FMN2: variants seen among roughly 807,000 people sequenced by gnomAD.
FMN2 encodes the protein formin-2.
In FMN2, 51 loss-of-function variants were observed where a neutral mutation model predicts 142.3. That is an observed-to-expected ratio of 0.36 (90% CI 0.29 to 0.45). The LOEUF (loss-of-function observed/expected upper bound fraction) is 0.45, where lower values mean the gene tolerates loss of function less well. Among genes scored for constraint, FMN2 ranks in the 20% least tolerant of loss-of-function variants. FMN2 has a pLI of 1.00. For missense variants in FMN2, 1,936 were observed against 2,122.8 expected (o/e 0.91, Z 1.73); for synonymous variants, 882 against 869.8 (o/e 1.01, Z -0.25).
intron 6 of FMN2, among the ~76,000 whole-genome samples, chr1:240,212,001 A>G (rs1666708098): frequency 6.6e-6 from 1 of 152,176 alleles, no homozygotes. Context: ...GAGAGTGGCT[A>G]CATTTCTTAA....
chr1:240,149,739 T>C (rs536631644), intron 2 of FMN2, among the ~76,000 whole-genome samples: 2 of 152,342 alleles, frequency 1.3e-5, no homozygotes, highest in African/African-American at 4.8e-5. Flanking sequence ...TTTCCAAATA[T>C]AAGGAGTTAC....
chr1:240,101,719 T>C (rs553252696), intron 1 of FMN2, among the ~76,000 whole-genome samples: 97 of 151,816 alleles, frequency 6.4e-4, no homozygotes, highest in African/African-American at 2.1e-3. Flanking sequence ...ATTTTTTTTT[T>C]TTTTTTTTGG....
At chr1:240,382,279 G>T (rs1377533471) in intron 14 of FMN2, among the ~76,000 whole-genome samples, 1 of 152,120 alleles carries the variant, frequency 6.6e-6, no homozygotes, top group Non-Finnish European at 1.5e-5. Context: ...GGAAGTAAAA[G>T]ATCTCTGCAA....
intron 14 of FMN2, among the ~76,000 whole-genome samples, chr1:240,376,066 G>A (rs1330430638): frequency 6.6e-6 from 1 of 151,992 alleles, no homozygotes. Context: ...TTATCATTAT[G>A]TATTGATTCT....
At chr1:240,320,644 T>C (rs561281857) in intron 8 of FMN2, among the ~76,000 whole-genome samples, 41 of 152,322 alleles carry the variant, frequency 2.7e-4, no homozygotes, top group Admixed American at 6.5e-4. Context: ...CAGTGAATTT[T>C]GTCACTCAAA....
chr1:240,444,207 A>G (rs994488634), intron 16 of FMN2, among the ~76,000 whole-genome samples: 4 of 152,190 alleles, frequency 2.6e-5, no homozygotes, highest in Admixed American at 6.5e-5. Context: ...TGAGACGTTC[A>G]AGTATGTTAA....
chr1:240,370,143 C>G (rs1050276590), intron 14 of FMN2, among the ~76,000 whole-genome samples: 10 of 152,162 alleles, frequency 6.6e-5, no homozygotes, highest in Non-Finnish European at 1.3e-4. Context: ...TGAGGAAGTT[C>G]TGGCTTGCAC....
intron 1 of FMN2, among the ~76,000 whole-genome samples, chr1:240,122,224 A>G (rs919561116): frequency 6.6e-6 from 1 of 151,526 alleles, no homozygotes; most frequent in African/African-American, 2.4e-5. Context: ...AGTAGCTGGG[A>G]TTATAGGCAC....
At chr1:240,453,203 GT>G (rs1454022792) in intron 16 of FMN2, among the ~76,000 whole-genome samples, 2 of 152,056 alleles carry the variant, frequency 1.3e-5, no homozygotes, top group Non-Finnish European at 2.9e-5. Flanking sequence ...ATATATTAAC[GT>G]TGTTTGAAAA....
intron 14 of FMN2, among the ~76,000 whole-genome samples, chr1:240,370,174 G>T (rs889837045): frequency 6.6e-6 from 1 of 152,098 alleles, no homozygotes; most frequent in Non-Finnish European, 1.5e-5. Flanking sequence ...TCCTGCTCCT[G>T]TTTGTTTTTA....
At chr1:240,426,282 C>G (rs1023346749) in intron 15 of FMN2, among the ~76,000 whole-genome samples, 2 of 144,394 alleles carry the variant, frequency 1.4e-5, no homozygotes, top group Non-Finnish European at 3.0e-5. Context: ...AAATAGTTCT[C>G]GGTTTGTGGT....
rs139762120 is a variant in FMN2, at chr1:240,463,452, C to T, written c.5061-8920C>T. Reference sequence around the variant, plus strand: ...GAGGAAGGAGAATGTCCTCTAGGACCTAGAGCTTGGGAGAAAGGTCAAGGC... The same window carrying T: ...GAGGAAGGAGAATGTCCTCTAGGACTTAGAGCTTGGGAGAAAGGTCAAGGC... On this transcript the variant is annotated intron_variant, in intron 16 of 17. Transcript: ENST00000319653. Among the ~76,000 whole-genome samples the T allele has an allele frequency of 3.1e-3, 474 of 152,192 alleles. 1 individual carries two copies. The highest frequency in any genetic ancestry group is 0.011 in the African/African-American group (449 of 41,512).
intron 14 of FMN2, among the ~76,000 whole-genome samples, chr1:240,367,684 C>T (rs1052293454): frequency 2.1e-5 from 3 of 142,554 alleles, no homozygotes; most frequent in Non-Finnish European, 3.0e-5. Flanking sequence ...AAAAGAATGG[C>T]GTGAACCTGG....
chr1:240,370,192 A>G (rs1672817082), intron 14 of FMN2, among the ~76,000 whole-genome samples: 1 of 152,138 alleles, frequency 6.6e-6, no homozygotes, highest in Non-Finnish European at 1.5e-5. Context: ...TTATGGCCTC[A>G]GAGAATTTTC....
intron 2 of FMN2, among the ~76,000 whole-genome samples, chr1:240,135,045 G>A (rs192001045): frequency 2.0e-5 from 3 of 152,230 alleles, no homozygotes; most frequent in East Asian, 3.9e-4. Flanking sequence ...ATTGACATGC[G>A]TTGTGCTTAT....
At chr1:240,449,454 A>G (rs1472085826) in intron 16 of FMN2, among the ~76,000 whole-genome samples, 1 of 152,202 alleles carries the variant, frequency 6.6e-6, no homozygotes, top group Non-Finnish European at 1.5e-5. Context: ...CGTGGAAAGG[A>G]AACTTTTGTT....
At chr1:240,417,128 G>A (rs143126761) in intron 15 of FMN2, among the ~76,000 whole-genome samples, 1 of 147,830 alleles carries the variant, frequency 6.8e-6, no homozygotes, top group African/African-American at 2.5e-5. Flanking sequence ...ACAGTAAATT[G>A]TATTACACTT....
chr1:240,354,291 A>G (rs1672194354), intron 13 of FMN2, among the ~76,000 whole-genome samples: 1 of 152,290 alleles, frequency 6.6e-6, no homozygotes, highest in Non-Finnish European at 1.5e-5. Flanking sequence ...GATAGGGCCA[A>G]CTGAAGAATG....
chr1:240,152,755 G>A (rs2103275131), intron 2 of FMN2, among the ~76,000 whole-genome samples: 1 of 152,310 alleles, frequency 6.6e-6, no homozygotes, highest in African/African-American at 2.4e-5. Context: ...CATGCAGAGA[G>A]AAGCCTGCCA....
Sources: allele counts gnomAD v4.1 joint callset (sites outside exome capture counted in the v4.1 genomes callset), GRCh38; gene constraint gnomAD v4.1.1; transcripts MANE v1.5; gene names NCBI Gene and HGNC (gene_info 2026-07-23, HGNC 2026-07-21).